ADGRB3: variants seen among roughly 807,000 people sequenced by gnomAD.
ADGRB3 encodes the protein brain-specific angiogenesis inhibitor 3.
Under a neutral mutation model 193.4 loss-of-function variants are expected in ADGRB3, and 37 were observed. The ratio of observed to expected loss-of-function variants is 0.19; its 90% CI spans 0.15 to 0.25. ADGRB3 has a LOEUF of 0.25. Ranked by LOEUF, ADGRB3 falls within the 10% of genes least tolerant of loss-of-function variation. The probability of loss-of-function intolerance (pLI) is 1.00; values close to 1 mark genes in which losing one functional copy is unlikely to be tolerated. For synonymous variants in ADGRB3, 690 were observed against 644.2 expected (o/e 1.07, Z -1.08); for missense variants, 1,637 against 1,852.9 (o/e 0.88, Z 2.14).
chr6:69,141,194 GCTCACTGCAAGCTCCGC>G (rs1292773948), intron 17 of ADGRB3, among the ~76,000 whole-genome samples: 2 of 151,554 alleles, frequency 1.3e-5, no homozygotes, highest in Non-Finnish European at 2.9e-5. Flanking sequence ...CGCCATCTCG[GCTCACTGCAAGCTCCGC>G]CTCCTGGGTT....
chr6:69,050,316 G>T (rs1030833915), intron 15 of ADGRB3, among the ~76,000 whole-genome samples: 1 of 152,128 alleles, frequency 6.6e-6, no homozygotes, highest in Non-Finnish European at 1.5e-5. Context: ...AATATAGGTG[G>T]AGAGTCATCC....
chr6:69,068,723 A>G lies in ADGRB3; in HGVS notation c.2436+5687A>G, dbSNP rs370257508. On this transcript the variant is annotated intron_variant, in intron 16 of 31. Transcript: ENST00000370598. ...AGAGAAGCAAGCTGTCATCACATCTATAAAAATAGTGTCATGTGGTTAATG... is the reference window on the plus strand; with the variant it reads ...AGAGAAGCAAGCTGTCATCACATCTGTAAAAATAGTGTCATGTGGTTAATG... Among the ~76,000 whole-genome samples the G allele has an allele frequency of 7.9e-5, 12 of 152,330 alleles. No homozygotes were observed. The East Asian group carries it at 1.2e-3, about 15-fold the overall frequency.
chr6:69,233,145 T>C, intron 17 of ADGRB3, 145 bp from the exon 18 acceptor site: 1 of 1,175,852 alleles, frequency 8.5e-7, no homozygotes, highest in Non-Finnish European at 1.2e-6. Flanking sequence ...CTAAATTACA[T>C]CCTGTTCAAC....
At chr6:68,943,517 C>G (rs994906954) in intron 5 of ADGRB3, among the ~76,000 whole-genome samples, 2 of 152,038 alleles carry the variant, frequency 1.3e-5, no homozygotes, top group African/African-American at 4.8e-5. Context: ...ATTACTTCAA[C>G]TTAAAAATAA....
intron 3 of ADGRB3, among the ~76,000 whole-genome samples, chr6:68,744,684 C>A (rs1766048102): frequency 6.6e-6 from 1 of 152,010 alleles, no homozygotes; most frequent in Admixed American, 6.6e-5. Context: ...GGGAGTTGAA[C>A]AATGAGAACA....
intron 15 of ADGRB3, among the ~76,000 whole-genome samples, chr6:69,061,630 A>G (rs187107399): frequency 6.6e-6 from 1 of 152,072 alleles, no homozygotes; most frequent in African/African-American, 2.4e-5. Context: ...AAGGCTAAAA[A>G]TCAGAAATAA....
At chr6:69,291,432 C>G (rs537707325) in intron 20 of ADGRB3, among the ~76,000 whole-genome samples, 1 of 152,016 alleles carries the variant, frequency 6.6e-6, no homozygotes, top group African/African-American at 2.4e-5. Context: ...GTATAACAAC[C>G]ATTAATAAGC....
intron 26 of ADGRB3, among the ~76,000 whole-genome samples, chr6:69,353,103 A>T (rs181977873): frequency 7.9e-5 from 12 of 152,284 alleles, no homozygotes; most frequent in Admixed American, 7.9e-4. Context: ...AGCTTGATGA[A>T]CCTCTGGAAG....
At chr6:68,966,453 AACTTTAC>A (rs1203570021) in intron 8 of ADGRB3, among the ~76,000 whole-genome samples, 2 of 152,032 alleles carry the variant, frequency 1.3e-5, no homozygotes, top group Non-Finnish European at 2.9e-5. Flanking sequence ...ACTTATCCCC[AACTTTAC>A]ACTTTACCCT....
At chr6:68,830,666 G>C (rs1767935004) in intron 3 of ADGRB3, among the ~76,000 whole-genome samples, 1 of 152,100 alleles carries the variant, frequency 6.6e-6, no homozygotes. Flanking sequence ...AAGGTTATGA[G>C]AGAGGAAACT....
chr6:68,820,632 C>T (rs546536591), intron 3 of ADGRB3, among the ~76,000 whole-genome samples: 2 of 151,964 alleles, frequency 1.3e-5, no homozygotes, highest in East Asian at 3.9e-4. Flanking sequence ...TAACCATCCC[C>T]GCTTCTCTCT....
intron 3 of ADGRB3, among the ~76,000 whole-genome samples, chr6:68,715,071 C>T (rs908704555): frequency 6.6e-6 from 1 of 151,746 alleles, no homozygotes; most frequent in African/African-American, 2.4e-5. Context: ...CATGACAAAA[C>T]ACAAAAGACT....
chr6:68,998,846 G>C (rs1769472071), intron 11 of ADGRB3, among the ~76,000 whole-genome samples: 2 of 152,222 alleles, frequency 1.3e-5, no homozygotes, highest in South Asian at 2.1e-4. Flanking sequence ...CTGGTCAGCT[G>C]TCGGGTCATA....
At chr6:68,980,539 A>T (rs768343314) in intron 10 of ADGRB3, among the ~76,000 whole-genome samples, 1 of 151,668 alleles carries the variant, frequency 6.6e-6, no homozygotes, top group Admixed American at 6.6e-5. Flanking sequence ...AAAAGACGAT[A>T]ACACATTTTA....
intron 20 of ADGRB3, among the ~76,000 whole-genome samples, chr6:69,304,384 A>G (rs897350901): frequency 6.6e-6 from 1 of 151,644 alleles, no homozygotes; most frequent in African/African-American, 2.4e-5. Flanking sequence ...GAAGACTTGC[A>G]GAGAAACATA....
At chr6:68,951,366 C>T (rs1272798302) in intron 6 of ADGRB3, among the ~76,000 whole-genome samples, 2 of 152,120 alleles carry the variant, frequency 1.3e-5, no homozygotes, top group Admixed American at 6.6e-5. Flanking sequence ...CTGAGACTGC[C>T]TGAGCACTCC....
intron 10 of ADGRB3, among the ~76,000 whole-genome samples, chr6:68,978,646 T>C (rs1768819887): frequency 6.6e-6 from 1 of 151,538 alleles, no homozygotes; most frequent in Admixed American, 6.6e-5. Flanking sequence ...ATTCTGTTGC[T>C]TTGCTAAGTC....
intron 26 of ADGRB3, among the ~76,000 whole-genome samples, chr6:69,340,940 G>A (rs537773680): frequency 2.5e-4 from 38 of 152,272 alleles, no homozygotes; most frequent in Non-Finnish European, 5.0e-4. Flanking sequence ...CAAATGACAT[G>A]AACTCATCCT....
At chr6:69,310,917 A>G (rs1768175638) in intron 20 of ADGRB3, among the ~76,000 whole-genome samples, 1 of 151,762 alleles carries the variant, frequency 6.6e-6, no homozygotes, top group Non-Finnish European at 1.5e-5. Flanking sequence ...ATTACTAGAA[A>G]TAGTTGGTTT....
Sources: gnomAD v4.1 joint callset for allele counts (sites outside exome capture counted in the v4.1 genomes callset) on GRCh38, gnomAD v4.1.1 for gene constraint, MANE v1.5 for transcripts, NCBI Gene and HGNC (gene_info 2026-07-23, HGNC 2026-07-21) for gene names.